Variants in MLLT10 observed in about 807,000 individuals in gnomAD.
MLLT10 encodes the protein MLLT10 histone lysine methyltransferase DOT1L cofactor.
In MLLT10, 30 loss-of-function variants were observed where a neutral mutation model predicts 129.1. The ratio of observed to expected loss-of-function variants is 0.23; its 90% CI spans 0.17 to 0.32. The LOEUF (loss-of-function observed/expected upper bound fraction) is 0.32, where lower values mean the gene tolerates loss of function less well. Ranked by LOEUF, MLLT10 falls within the 10% of genes least tolerant of loss-of-function variation. The probability of loss-of-function intolerance (pLI) is 1.00; values close to 1 mark genes in which losing one functional copy is unlikely to be tolerated. For synonymous variants in MLLT10, 490 were observed against 446.4 expected, an observed-to-expected ratio of 1.10 and a Z score of -1.23; for missense variants, 1,119 against 1,268.3, an observed-to-expected ratio of 0.88 and a Z score of 1.79.
chr10:21,537,390 C>T (rs368463939), intron 2 of MLLT10, among the ~76,000 whole-genome samples: 7 of 152,224 alleles, frequency 4.6e-5, no homozygotes, highest in Non-Finnish European at 7.4e-5. Context: ...CTCTACCTCC[C>T]GGGTTCATGT....
At chr10:21,688,689 G>T in intron 13 of MLLT10, 2 of 560,340 alleles carry the variant, frequency 3.6e-6, no homozygotes, top group Non-Finnish European at 6.0e-6. Context: ...AACCTTGGGT[G>T]GTAGGTGGGA....
intron 8 of MLLT10, among the ~76,000 whole-genome samples, chr10:21,651,056 T>C (rs1485718321): frequency 6.6e-6 from 1 of 151,540 alleles, no homozygotes; most frequent in Non-Finnish European, 1.5e-5. Flanking sequence ...TGTTTTGTTT[T>C]GTTTTGTTTT....
chr10:21,557,677 T>C (rs1326647072), intron 3 of MLLT10: 1 of 152,176 alleles, frequency 6.6e-6, no homozygotes, highest in African/African-American at 2.4e-5. Flanking sequence ...TCCAGCCCCT[T>C]TTACCAGAAG....
intron 8 of MLLT10, among the ~76,000 whole-genome samples, chr10:21,633,304 T>C (rs1320361768): frequency 1.3e-5 from 2 of 152,232 alleles, no homozygotes; most frequent in African/African-American, 4.8e-5. Flanking sequence ...TAACCAACAT[T>C]ATTATTGTAA....
At chr10:21,584,964 C>T (rs536773670) in intron 3 of MLLT10, among the ~76,000 whole-genome samples, 6 of 151,792 alleles carry the variant, frequency 4.0e-5, no homozygotes, top group African/African-American at 1.5e-4. Context: ...GTAACCCAGG[C>T]TGGAGTGCAG....
chr10:21,694,138 G>A (rs754580628), intron 13 of MLLT10, among the ~76,000 whole-genome samples: 5 of 152,144 alleles, frequency 3.3e-5, no homozygotes, highest in Non-Finnish European at 7.4e-5. Context: ...GTTGCGCACC[G>A]TATCCCATCA....
intron 8 of MLLT10, among the ~76,000 whole-genome samples, chr10:21,639,848 A>G (rs1252154323): frequency 6.6e-6 from 1 of 152,076 alleles, no homozygotes; most frequent in African/African-American, 2.4e-5. Context: ...GTCCAGCTCC[A>G]TGATAGAAAA....
At chr10:21,706,940 C>G (rs372000781) in intron 13 of MLLT10, among the ~76,000 whole-genome samples, 1 of 152,094 alleles carries the variant, frequency 6.6e-6, no homozygotes, top group Non-Finnish European at 1.5e-5. Flanking sequence ...TTCAGTGACA[C>G]CACAGTCATG....
intron 9 of MLLT10, among the ~76,000 whole-genome samples, chr10:21,657,679 TG>T (rs1340252072): frequency 6.6e-6 from 1 of 152,178 alleles, no homozygotes; most frequent in Non-Finnish European, 1.5e-5. Flanking sequence ...GTACAGCTTT[TG>T]TTTGTTTTAA....
At chr10:21,566,362 ACTCTTGCCC>A (rs1323577039) in intron 3 of MLLT10, among the ~76,000 whole-genome samples, 2 of 137,060 alleles carry the variant, frequency 1.5e-5, no homozygotes, top group African/African-American at 5.5e-5. Context: ...ACAAAGTCTT[ACTCTTGCCC>A]AGGCTGGAGT....
At chr10:21,731,684 T>C (rs188077858) in intron 17 of MLLT10, among the ~76,000 whole-genome samples, 2 of 152,334 alleles carry the variant, frequency 1.3e-5, no homozygotes, top group East Asian at 3.9e-4. Context: ...TTATCATCTA[T>C]TGGATTATAG....
At chr10:21,717,758 C>CTCT (rs1167399252) in intron 14 of MLLT10, among the ~76,000 whole-genome samples, 5 of 126,776 alleles carry the variant, frequency 3.9e-5, no homozygotes, top group South Asian at 2.8e-4. Context: ...CTTCCTCCTC[C>CTCT]TCCTCCTCCG....
At chr10:21,730,854 T>C in intron 16 of MLLT10, 46 bp from the exon 17 acceptor site, 1 of 1,611,404 alleles carries the variant, frequency 6.2e-7, no homozygotes. Flanking sequence ...CTGTACTCTC[T>C]TAAAAGCATT....
intron 15 of MLLT10, among the ~76,000 whole-genome samples, chr10:21,727,197 T>C (rs1006518300): frequency 2.0e-5 from 3 of 152,170 alleles, no homozygotes; most frequent in Non-Finnish European, 4.4e-5. Flanking sequence ...TAAGGTGATT[T>C]TTATAAGGAA....
chr10:21,590,048 C>T (rs1363772531), intron 4 of MLLT10, among the ~76,000 whole-genome samples: 1 of 152,132 alleles, frequency 6.6e-6, no homozygotes, highest in African/African-American at 2.4e-5. Context: ...ATCCTTCTGC[C>T]TCAGCCTCCT....
intron 5 of MLLT10, among the ~76,000 whole-genome samples, chr10:21,601,547 T>G (rs2131154371): frequency 6.6e-6 from 1 of 152,304 alleles, no homozygotes; most frequent in Non-Finnish European, 1.5e-5. Flanking sequence ...TATTTAGAGA[T>G]AGAGTCTTAC....
chr10:21,649,624 G>C (rs974981933), intron 8 of MLLT10, among the ~76,000 whole-genome samples: 5 of 152,220 alleles, frequency 3.3e-5, no homozygotes, highest in African/African-American at 1.2e-4. Context: ...GGCGCCAGGC[G>C]CTGCTGGCTA....
At chr10:21,624,865 C>T (rs2046269316) in intron 8 of MLLT10, 4 of 1,130,584 alleles carry the variant, frequency 3.5e-6, no homozygotes, top group Non-Finnish European at 5.2e-6. Flanking sequence ...CCTCTGCCAC[C>T]CCTACAGCCT....
chr10:21,585,896 G>C (rs2041939398), intron 3 of MLLT10, among the ~76,000 whole-genome samples: 1 of 152,048 alleles, frequency 6.6e-6, no homozygotes, highest in African/African-American at 2.4e-5. Flanking sequence ...CCAGTAGCTG[G>C]GATTACAGGC....
Sources: gnomAD v4.1 joint callset for allele counts (sites outside exome capture counted in the v4.1 genomes callset) on GRCh38, gnomAD v4.1.1 for gene constraint, MANE v1.5 for transcripts, NCBI Gene and HGNC (gene_info 2026-07-23, HGNC 2026-07-21) for gene names.